The following TMEM120B variants were observed in gnomAD, a reference collection of about 807,000 sequenced individuals.
TMEM120B encodes the protein transmembrane protein 120B.
A neutral mutation model predicts 55.5 loss-of-function variants in TMEM120B; 31 were observed. That is an observed-to-expected ratio of 0.56 (90% CI 0.42 to 0.75). TMEM120B has a LOEUF of 0.75. TMEM120B is among the 30% of genes least tolerant of loss of function. TMEM120B has a pLI of 0.00. For missense variants in TMEM120B, 399 were observed against 425.5 expected (o/e 0.94, Z 0.55); for synonymous variants, 203 against 176.3 (o/e 1.15, Z -1.20).
intron 1 of TMEM120B, among the ~76,000 whole-genome samples, chr12:121,734,056 G>C (rs886274339): frequency 2.0e-5 from 3 of 152,108 alleles, no homozygotes; most frequent in Non-Finnish European, 4.4e-5. Flanking sequence ...AGGGCGGCGT[G>C]GCCCAGGGTG....
Position 121,777,467 on chromosome 12 carries a change from A to T in TMEM120B, c.*1745A>T, listed in dbSNP as rs1874282933. ...CCACCCCTACAGTGAGATTCCACATAAAAATCCAGATTTCTGCTTTCCCTA... is the reference window on the plus strand; with the variant it reads ...CCACCCCTACAGTGAGATTCCACATTAAAATCCAGATTTCTGCTTTCCCTA... On this transcript the variant is annotated 3_prime_UTR_variant, in exon 12 of 12. Transcript: ENST00000449592. 6.6e-6 allele frequency: 1 copy of T among 152,210 alleles called. No individual in the cohort carries two copies. The highest frequency in any genetic ancestry group is 1.5e-5 in the Non-Finnish European group (1 of 68,042). 9.4% of individuals were successfully genotyped at this position (152,210 alleles called of 1,614,324 possible). A position where few individuals can be genotyped will look rare whatever the true frequency, so the allele number is the denominator to read the frequency against.
chr12:121,761,178 C>A (rs1300411242), intron 5 of TMEM120B, among the ~76,000 whole-genome samples: 3 of 152,078 alleles, frequency 2.0e-5, no homozygotes, highest in Non-Finnish European at 2.9e-5. Context: ...GGAGTTTCAC[C>A]ATATTGGCCA....
chr12:121,731,664 G>A (rs183366397), intron 1 of TMEM120B, among the ~76,000 whole-genome samples: 4 of 152,256 alleles, frequency 2.6e-5, no homozygotes, highest in African/African-American at 9.6e-5. Context: ...GCGTAATGAC[G>A]GCATCGCCTA....
At position 121,780,760 on chromosome 12, in the gene TMEM120B, C is replaced by G. The variant is rs1874419899; in HGVS notation, c.*5038C>G. On this transcript the variant is annotated 3_prime_UTR_variant, in exon 12 of 12. Transcript: ENST00000449592. The stretch of plus-strand genomic sequence containing the variant: ...AATAGTTAAAAATTATTCTTAGAAT[C>G]TTGCTTCCCTCAGCTCCCTGAAAGG... 2 of 1,238,024 alleles carry G rather than the reference C, an allele frequency of 1.6e-6. No homozygotes were observed. The highest frequency in any genetic ancestry group is 3.0e-5 in the African/African-American group (2 of 65,974). 76.7% of individuals were successfully genotyped at this position (1,238,024 alleles called of 1,614,324 possible). A position where few individuals can be genotyped will look rare whatever the true frequency, so the allele number is the denominator to read the frequency against.
chr12:121,774,857 T>A, intron 10 of TMEM120B, 135 bp downstream of exon 10: 1 of 1,246,798 alleles, frequency 8.0e-7, no homozygotes, highest in Non-Finnish European at 1.1e-6. Context: ...GGGCAGCCTC[T>A]GGGCCCAGGG....
At chr12:121,726,140 CG>C (rs895051473) in intron 1 of TMEM120B, among the ~76,000 whole-genome samples, 12 of 151,654 alleles carry the variant, frequency 7.9e-5, no homozygotes, top group African/African-American at 2.9e-4. Context: ...GAAGAGACAC[CG>C]GGGATCTTAT....
chr12:121,769,540 T>TAA (rs532647665), intron 6 of TMEM120B, among the ~76,000 whole-genome samples: 25 of 146,456 alleles, frequency 1.7e-4, no homozygotes, highest in African/African-American at 5.3e-4. Flanking sequence ...ACCCTGTCTC[T>TAA]AAAAAAAAAA....
At chr12:121,738,116 G>A (rs947678210) in intron 1 of TMEM120B, among the ~76,000 whole-genome samples, 1 of 151,772 alleles carries the variant, frequency 6.6e-6, no homozygotes, top group Non-Finnish European at 1.5e-5. Context: ...AAAATTAGCT[G>A]GGCATGGTGG....
chr12:121,714,799 A>G (rs1349971100), intron 1 of TMEM120B, among the ~76,000 whole-genome samples: 2 of 150,718 alleles, frequency 1.3e-5, no homozygotes, highest in African/African-American at 4.9e-5. Flanking sequence ...TGACCTCGTG[A>G]TCTGCCTGCC....
intron 1 of TMEM120B, among the ~76,000 whole-genome samples, chr12:121,741,623 CT>C (rs1237708877): frequency 3.3e-5 from 5 of 152,054 alleles, no homozygotes; most frequent in African/African-American, 1.2e-4. Context: ...GCCACTGCGC[CT>C]GAAATTATTA....
intron 6 of TMEM120B, among the ~76,000 whole-genome samples, chr12:121,768,825 C>T (rs572073127): frequency 1.3e-5 from 2 of 152,246 alleles, no homozygotes; most frequent in South Asian, 4.1e-4. Context: ...GGGGTGACAA[C>T]CAGGCTCTAC....
intron 1 of TMEM120B, among the ~76,000 whole-genome samples, chr12:121,726,479 T>A (rs1017204539): frequency 6.6e-6 from 1 of 150,452 alleles, no homozygotes; most frequent in African/African-American, 2.5e-5. Flanking sequence ...CTCGGGAGGC[T>A]GATGCAGGAG....
chr12:121,749,138 G>C (rs560512522), intron 3 of TMEM120B, among the ~76,000 whole-genome samples: 7 of 152,282 alleles, frequency 4.6e-5, no homozygotes, highest in African/African-American at 1.7e-4. Flanking sequence ...CTCCTTTCAG[G>C]CCTGTAGCGG....
intron 1 of TMEM120B, among the ~76,000 whole-genome samples, chr12:121,740,479 CTG>C (rs1455843693): frequency 2.0e-5 from 3 of 151,052 alleles, no homozygotes; most frequent in Non-Finnish European, 4.4e-5. Context: ...GAGTGAGACT[CTG>C]TCTTAAAAAA....
intron 1 of TMEM120B, among the ~76,000 whole-genome samples, chr12:121,723,908 C>A (rs1197692012): frequency 6.6e-6 from 1 of 152,030 alleles, no homozygotes; most frequent in East Asian, 1.9e-4. Flanking sequence ...TCAAGTGATC[C>A]TCCTGTCTCA....
intron 3 of TMEM120B, among the ~76,000 whole-genome samples, chr12:121,749,278 A>G (rs547679089): frequency 2.0e-5 from 3 of 152,340 alleles, no homozygotes; most frequent in African/African-American, 7.2e-5. Context: ...GCAGCCTAGC[A>G]TTCGTGACCC....
intron 6 of TMEM120B, 82 bp downstream of exon 6, chr12:121,761,820 C>T: frequency 1.8e-6 from 2 of 1,095,966 alleles, no homozygotes; most frequent in Non-Finnish European, 2.8e-6. Flanking sequence ...GGGGCCGACA[C>T]CCTCAGGCTG....
In TMEM120B at chr12:121,735,776, C is replaced by T. The variant is rs143533801; in HGVS notation, c.70-7853C>T. Among the ~76,000 whole-genome samples, 213 of 151,692 alleles carry T rather than the reference C, an allele frequency of 1.4e-3. No individual in the cohort carries two copies. In the East Asian group the frequency reaches 0.038, roughly 27 times the overall value. ...CGCATTCTCGGCTCACTGCAACCTC[C>T]GCCTCCTGGGTTCAAGTGAGTCTTC... On this transcript the variant is annotated intron_variant, in intron 1 of 11. Coordinates refer to ENST00000449592, the MANE Select transcript of TMEM120B (RefSeq NM_001080825.2).
chr12:121,776,115 T>G lies in TMEM120B; in HGVS notation c.*393T>G. 2.2e-6 allele frequency: 1 copy of G among 460,686 alleles called. No homozygotes were observed. The allele number at this position is 460,686 out of a possible 1,614,324, so 28.5% of individuals were successfully genotyped here. ...GTTGGATTTATGCTGACCTGCTACT[T>G]ACCAGGCCCAGGCTGGGGTGGTGTG... On this transcript the variant is annotated 3_prime_UTR_variant, in exon 12 of 12. Transcript: ENST00000449592.
Sources: gnomAD v4.1 joint callset for allele counts (sites outside exome capture counted in the v4.1 genomes callset) on GRCh38, gnomAD v4.1.1 for gene constraint, MANE v1.5 for transcripts, NCBI Gene and HGNC (gene_info 2026-07-23, HGNC 2026-07-21) for gene names.